The following KCNJ5 variants were observed in gnomAD, a reference collection of about 807,000 sequenced individuals.
KCNJ5 encodes the protein potassium inwardly rectifying channel subfamily J member 5.
KCNJ5 carries 12 observed loss-of-function variants against 20.2 expected under a neutral mutation model. The ratio of observed to expected loss-of-function variants is 0.59; its 90% CI spans 0.38 to 0.96. KCNJ5 has a LOEUF of 0.96. KCNJ5 is among the 40% of genes least tolerant of loss of function. The probability of loss-of-function intolerance (pLI) is 0.00; values close to 1 mark genes in which losing one functional copy is unlikely to be tolerated. For missense variants in KCNJ5, 449 were observed against 557.6 expected (o/e 0.81, Z 1.96); for synonymous variants, 210 against 213.9 (o/e 0.98, Z 0.16).
intron 1 of KCNJ5, among the ~76,000 whole-genome samples, chr11:128,906,759 G>A (rs932898839): frequency 1.3e-5 from 2 of 152,162 alleles, no homozygotes; most frequent in African/African-American, 4.8e-5. Context: ...TCCCTTCAAA[G>A]GGCTTGTGAT....
intron 1 of KCNJ5, chr11:128,904,335 T>C: frequency 6.5e-7 from 1 of 1,527,586 alleles, no homozygotes; most frequent in Non-Finnish European, 8.9e-7. Flanking sequence ...TCTCTCTCAC[T>C]CTCTACTGCA....
Position 128,916,244 on chromosome 11 carries a change from A to AGATGGATG in KCNJ5, c.938-136_938-129dup, listed in dbSNP as rs61176061. On this transcript the variant is annotated intron_variant, in intron 2 of 2. Transcript: ENST00000529694. ...TGGATGGTTGGATGGATAGATGATT[A>AGATGGATG]GATGGATGGATGGATGGATGGATGG... Among the ~76,000 whole-genome samples the AGATGGATG allele has an allele frequency of 0.39, 50,695 of 128,774 alleles. 11,737 individuals are homozygous for AGATGGATG. Among genetic ancestry groups the AGATGGATG allele is most frequent in the Non-Finnish European group, 0.51 (32,005 of 62,644 alleles). 84.5% of individuals were successfully genotyped at this position (128,774 alleles called of 152,430 possible). A position where few individuals can be genotyped will look rare whatever the true frequency, so the allele number is the denominator to read the frequency against.
At chr11:128,909,583 A>C (rs572333613) in intron 1 of KCNJ5, among the ~76,000 whole-genome samples, 1 of 152,320 alleles carries the variant, frequency 6.6e-6, no homozygotes, top group African/African-American at 2.4e-5. Context: ...CAACATGTTT[A>C]ATCTTTCAGT....
At chr11:128,899,235 C>G (rs563673692) in intron 1 of KCNJ5, among the ~76,000 whole-genome samples, 2 of 152,298 alleles carry the variant, frequency 1.3e-5, no homozygotes, top group South Asian at 2.1e-4. Context: ...ATGGGGAGAA[C>G]AGTATCTACC....
rs2258438 is a variant in KCNJ5 at position 128,919,478 on chromosome 11, T to C, written c.*2747T>C. 0.82 allele frequency: 125,489 copies of C among 152,294 alleles called. 51,805 individuals carry two copies. The highest frequency in any genetic ancestry group is 0.9 in the East Asian group (4,654 of 5,172). 9.4% of individuals were successfully genotyped at this position (152,294 alleles called of 1,614,324 possible). ...CCCAGTGTGCCTCCTCTGCCTTCTA[T>C]CATGCCAGTTTAAAAGCAAGAAGAC... is the stretch of plus-strand genomic sequence containing the variant. On this transcript the variant is annotated 3_prime_UTR_variant, in exon 3 of 3. Transcript: ENST00000529694.
Position 128,912,211 on chromosome 11 carries a change from G to T in KCNJ5, c.937+1G>T. 1 of 1,600,090 alleles carries T rather than the reference G, an allele frequency of 6.2e-7. No individual in the cohort carries two copies. The highest frequency in any genetic ancestry group is 8.5e-7 in the Non-Finnish European group (1 of 1,179,264). Reference sequence around the variant, plus strand: ...CTAGAAGGGATGGTGGAAGCCACAGGTAAGGCGCTTTGTCCTCCTCAGCCA... The same window carrying T: ...CTAGAAGGGATGGTGGAAGCCACAGTTAAGGCGCTTTGTCCTCCTCAGCCA... On this transcript the variant is annotated splice_donor_variant, in intron 2 of 2. Coordinates refer to ENST00000529694, the MANE Select transcript of KCNJ5 (RefSeq NM_000890.5). LOFTEE classifies it high-confidence loss of function.
rs1041231155 is a variant in KCNJ5 at position 128,920,243 on chromosome 11, C to T, written c.*3512C>T. 6.6e-6 allele frequency: 1 copy of T among 152,482 alleles called. No individual in the cohort carries two copies. Among genetic ancestry groups the T allele is most frequent in the Non-Finnish European group, 1.5e-5 (1 of 68,284 alleles). 9.4% of individuals were successfully genotyped at this position (152,482 alleles called of 1,614,324 possible). On this transcript the variant is annotated 3_prime_UTR_variant, in exon 3 of 3. Transcript: ENST00000529694. ...ATTGCCTTTGACTCTCCCCTTCAGA[C>T]TCCCCTCCCACCGGCCTCCTGTGTA... is the stretch of plus-strand genomic sequence containing the variant.
Position 128,907,660 on chromosome 11 carries a change from T to G in KCNJ5, c.-10-3604T>G, listed in dbSNP as rs374482611. 3.0e-4 allele frequency among the ~76,000 whole-genome samples: 45 copies of G among 152,314 alleles called. 2 individuals are homozygous for G. The East Asian group carries it at 7.3e-3, about 25-fold the overall frequency. ...GAGAAGTATCAGGCTTGATGAGGCT[T>G]AATAGGATTTGCTCAAGTCAGTGCC... On this transcript the variant is annotated intron_variant, in intron 1 of 2. Transcript: ENST00000529694.
intron 1 of KCNJ5, among the ~76,000 whole-genome samples, chr11:128,907,355 A>G (rs1418212759): frequency 1.3e-5 from 2 of 152,190 alleles, no homozygotes; most frequent in Non-Finnish European, 2.9e-5. Context: ...GACTCCTGAC[A>G]TTCTAGACCA....
chr11:128,902,470 C>T (rs556693264), intron 1 of KCNJ5: 1,199 of 1,524,356 alleles, frequency 7.9e-4, no homozygotes, highest in Non-Finnish European at 9.1e-4. Context: ...CGAGGAACCC[C>T]GCACTTTAAG....
At chr11:128,902,476 T>C in intron 1 of KCNJ5, 1 of 1,536,964 alleles carries the variant, frequency 6.5e-7, no homozygotes, top group Admixed American at 2.0e-5. Flanking sequence ...ACCCCGCACT[T>C]TAAGGAACAG....
In KCNJ5 at chr11:128,916,732, G is replaced by T. The variant is rs1944590287; in HGVS notation, c.*1G>T. 1 of 1,595,156 alleles carries T rather than the reference G, an allele frequency of 6.3e-7. No individual in the cohort carries two copies. Among genetic ancestry groups the T allele is most frequent in the Non-Finnish European group, 8.5e-7 (1 of 1,171,092 alleles). ...CAGGGAGGCCAGGGGCTCGGTGTGA[G>T]GGGTGCAGCCTCCCTAAGACCTCCT... On this transcript the variant is annotated 3_prime_UTR_variant, in exon 3 of 3. Coordinates refer to ENST00000529694, the MANE Select transcript of KCNJ5 (RefSeq NM_000890.5).
At position 128,916,702 on chromosome 11, in the gene KCNJ5, G is replaced by C. The variant is rs1944589391; in HGVS notation, c.1231G>C (p.Gly411Arg). Residue 411 changes from glycine (G) to arginine (R), a missense_variant, in exon 3 of 3, where the codon GGG becomes CGG. Physicochemically the swap from Gly to Arg is moderately radical, Grantham distance 125. Transcript: ENST00000529694. Reference protein sequence around the residue: ...NEEDEPKGLGGSREARGSV With the variant: ...NEEDEPKGLGRSREARGSV ...AGAAGATGAGCCCAAGGGGCTGGGT[G>C]GGTCCAGGGAGGCCAGGGGCTCGGT... The C allele has an allele frequency of 6.2e-7, 1 of 1,608,192 alleles. No homozygotes were observed. Among genetic ancestry groups the C allele is most frequent in the African/African-American group, 1.3e-5 (1 of 74,586 alleles).
rs749202931 is a variant in KCNJ5 at position 128,911,547 on chromosome 11, G to A, written c.274G>A (p.Val92Ile). The change falls in exon 2 of 3, where the codon GTC becomes ATC. Residue 92 changes from valine (V) to isoleucine (I), a missense_variant. Transcript: ENST00000529694. This position sits in a 1 kb window ranked among gnomAD's most constrained non-coding sequence, Gnocchi z 6.3. ...VDLKWRFNLL[V>I]FTMVYTVTWL... ...CCTCAAGTGGCGCTTCAACTTGCTCGTCTTCACCATGGTTTACACTGTCAC... is the reference window on the plus strand; with the variant it reads ...CCTCAAGTGGCGCTTCAACTTGCTCATCTTCACCATGGTTTACACTGTCAC... The A allele has an allele frequency of 1.3e-5, 21 of 1,614,054 alleles. No individual in the cohort carries two copies. The Middle Eastern group carries it at 4.9e-4, about 38-fold the overall frequency.
intron 1 of KCNJ5, chr11:128,905,865 G>T: frequency 6.6e-6 from 1 of 152,370 alleles, no homozygotes; most frequent in Non-Finnish European, 1.5e-5. Context: ...CGGGGAGCCT[G>T]CAGCACTAGC....
intron 2 of KCNJ5, among the ~76,000 whole-genome samples, chr11:128,915,656 G>A (rs891811283): frequency 4.6e-5 from 7 of 152,174 alleles, no homozygotes; most frequent in Non-Finnish European, 1.0e-4. Context: ...CCACCACTAC[G>A]CCTTGAACTC....
rs1167786819 is a variant in KCNJ5 at position 128,916,708 on chromosome 11, A to C, written c.1237A>C (p.Arg413=). The change falls in exon 3 of 3, where the codon AGG becomes CGG. Residue 413 remains arginine, a synonymous_variant. Coordinates refer to ENST00000529694, the MANE Select transcript of KCNJ5 (RefSeq NM_000890.5). ...TGAGCCCAAGGGGCTGGGTGGGTCC[A>C]GGGAGGCCAGGGGCTCGGTGTGAGG... ...EDEPKGLGGS[R]EARGSV The C allele has an allele frequency of 3.7e-6, 6 of 1,606,648 alleles. No individual in the cohort carries two copies. Among genetic ancestry groups the C allele is most frequent in the Non-Finnish European group, 5.1e-6 (6 of 1,177,130 alleles).
Position 128,916,659 on chromosome 11 carries a change from A to G in KCNJ5, c.1188A>G (p.Ala396=). 1 of 1,613,042 alleles carries G rather than the reference A, an allele frequency of 6.2e-7. No homozygotes were observed. Among genetic ancestry groups the G allele is most frequent in the Non-Finnish European group, 8.5e-7 (1 of 1,179,604 alleles). Residue 396 remains alanine, a synonymous_variant, in exon 3 of 3, where the codon GCA becomes GCG. Transcript: ENST00000529694. ...GCTGTGCTGAGGCAGGGCTGGATGC[A>G]GAGGCTGAGCAGAATGAAGAAGATG... ...LGGCAEAGLD[A]EAEQNEEDEP...
intron 1 of KCNJ5, chr11:128,899,638 A>G (rs1381057114): frequency 6.6e-6 from 1 of 152,238 alleles, no homozygotes; most frequent in Non-Finnish European, 1.5e-5. Context: ...TGGGGTTACA[A>G]TGAAGAAAAT....
Sources: allele counts gnomAD v4.1 joint callset (sites outside exome capture counted in the v4.1 genomes callset), GRCh38; gene constraint gnomAD v4.1.1; non-coding constraint Gnocchi (gnomAD v3.1); transcripts MANE v1.5; gene names NCBI Gene and HGNC (gene_info 2026-07-23, HGNC 2026-07-21).